Variants in ARHGAP21 observed in about 807,000 individuals in gnomAD.
The protein encoded by ARHGAP21 is rho GTPase-activating protein 21.
ARHGAP21 carries 38 observed loss-of-function variants against 164.6 expected under a neutral mutation model. The ratio of observed to expected loss-of-function variants is 0.23; its 90% CI spans 0.18 to 0.30. The LOEUF is 0.30. Ranked by LOEUF, ARHGAP21 falls within the 10% of genes least tolerant of loss-of-function variation. The pLI is 1.00. For missense variants in ARHGAP21, 1,822 were observed against 2,370.7 expected (o/e 0.77, Z 4.81); for synonymous variants, 766 against 857.9 (o/e 0.89, Z 1.87).
At chr10:24,716,569 G>A (rs185337783) in intron 2 of ARHGAP21, among the ~76,000 whole-genome samples, 196 of 152,356 alleles carry the variant, frequency 1.3e-3, no homozygotes, top group Middle Eastern at 6.8e-3. Context: ...CGCTCAGGGA[G>A]GGGGAAGGAC....
chr10:24,589,210 T>C (rs1294738437), intron 25 of ARHGAP21, 61 bp downstream of exon 25: 1 of 1,445,792 alleles, frequency 6.9e-7, no homozygotes, highest in African/African-American at 1.4e-5. Context: ...GTATCAACCA[T>C]AACAATCAGC....
At chr10:24,602,401 C>T (rs774761744) in intron 12 of ARHGAP21, among the ~76,000 whole-genome samples, 3 of 152,018 alleles carry the variant, frequency 2.0e-5, no homozygotes, top group Non-Finnish European at 2.9e-5. Flanking sequence ...ATGAAAACGG[C>T]AAGATGCAAT....
At chr10:24,606,677 C>G (rs1023941763) in intron 11 of ARHGAP21, among the ~76,000 whole-genome samples, 1 of 151,986 alleles carries the variant, frequency 6.6e-6, no homozygotes, top group Non-Finnish European at 1.5e-5. Flanking sequence ...CATGGTGAAA[C>G]CCGGTCTCTA....
chr10:24,646,311 G>T (rs2131495069), intron 4 of ARHGAP21, among the ~76,000 whole-genome samples: 1 of 152,102 alleles, frequency 6.6e-6, no homozygotes, highest in East Asian at 1.9e-4. Context: ...TATGATTAAG[G>T]TCTTAAGTTA....
rs1288020377 is a variant in ARHGAP21 at position 24,628,806 on chromosome 10, C to CATAT, written c.495+1186_495+1189dup. Among the ~76,000 whole-genome samples, 733 of 99,996 alleles carry CATAT rather than the reference C, an allele frequency of 7.3e-3. 10 individuals are homozygous for CATAT. Among genetic ancestry groups the CATAT allele is most frequent in the Middle Eastern group, 0.034 (6 of 174 alleles). 65.6% of individuals were successfully genotyped at this position (99,996 alleles called of 152,430 possible). ...ATACACACATATATACACATATATACATATATATACATATACACACATATA... is the reference window on the plus strand; with the variant it reads ...ATACACACATATATACACATATATACATATATATATATACATATACACACATATA... On this transcript the variant is annotated intron_variant, in intron 7 of 25. Coordinates refer to ENST00000396432, the MANE Select transcript of ARHGAP21 (RefSeq NM_020824.4).
At position 24,585,314 on chromosome 10, in the gene ARHGAP21, G is replaced by C; in HGVS notation, c.4975C>G (p.Gln1659Glu). 6.2e-7 allele frequency: 1 copy of C among 1,611,960 alleles called. No individual in the cohort carries two copies. The highest frequency in any genetic ancestry group is 8.5e-7 in the Non-Finnish European group (1 of 1,179,974). ...CTCCGGCTGCTCTTAGTCACTTCTT[G>C]CAGTTTTCCTCGGAAAAGCCTCTCT... ...TSERLFRGKL[Q>E]EVTKSSRRNS... The change falls in exon 26 of 26, where the codon CAA becomes GAA. Residue 1659 changes from glutamine to glutamate, a missense_variant. By Grantham distance (29) the Gln-to-Glu change is conservative. Around this residue, in one of 5 missense-constraint regions of ARHGAP21, gnomAD observed 333 missense variants for 383.9 expected, o/e 0.87. Coordinates refer to ENST00000396432, the MANE Select transcript of ARHGAP21 (RefSeq NM_020824.4).
chr10:24,671,058 C>G (rs1407570842), intron 2 of ARHGAP21, among the ~76,000 whole-genome samples: 1 of 152,038 alleles, frequency 6.6e-6, no homozygotes, highest in Non-Finnish European at 1.5e-5. Context: ...TCCCCCAACC[C>G]TTACAATTCT....
chr10:24,719,838 A>G (rs572840266), intron 2 of ARHGAP21, among the ~76,000 whole-genome samples: 1 of 152,338 alleles, frequency 6.6e-6, no homozygotes, highest in Admixed American at 6.5e-5. Context: ...ACACGTCACA[A>G]CTAAATACAG....
chr10:24,614,732 G>A (rs1467015016), intron 9 of ARHGAP21, among the ~76,000 whole-genome samples: 4 of 146,820 alleles, frequency 2.7e-5, no homozygotes, highest in Admixed American at 2.1e-4. Context: ...GCAGTGAGCC[G>A]AGATCATGCC....
At chr10:24,619,171 G>A (rs1462705661) in intron 9 of ARHGAP21, among the ~76,000 whole-genome samples, 1 of 151,924 alleles carries the variant, frequency 6.6e-6, no homozygotes, top group Admixed American at 6.6e-5. Context: ...CAACAATTAG[G>A]TATAATTTGC....
chr10:24,676,073 G>T (rs1287875671), intron 2 of ARHGAP21, among the ~76,000 whole-genome samples: 1 of 152,162 alleles, frequency 6.6e-6, no homozygotes, highest in Non-Finnish European at 1.5e-5. Flanking sequence ...ACTAGAACCT[G>T]GCAGGCGGAG....
chr10:24,630,163 G>T, intron 6 of ARHGAP21, 113 bp from the exon 7 acceptor site: 2 of 529,096 alleles, frequency 3.8e-6, no homozygotes, highest in Non-Finnish European at 6.4e-6. Context: ...GTTTATTCTG[G>T]TTTTCTTATA....
intron 4 of ARHGAP21, among the ~76,000 whole-genome samples, chr10:24,636,171 A>C (rs996739902): frequency 1.3e-5 from 2 of 152,234 alleles, no homozygotes; most frequent in Admixed American, 1.3e-4. Flanking sequence ...AATACACATT[A>C]AATTTTGAGA....
At chr10:24,631,945 T>C (rs1025775084) in intron 6 of ARHGAP21, among the ~76,000 whole-genome samples, 1 of 152,074 alleles carries the variant, frequency 6.6e-6, no homozygotes, top group African/African-American at 2.4e-5. Flanking sequence ...GGTATCAAAC[T>C]CCTAGGCTCA....
At chr10:24,600,308 G>A (rs1040973734) in intron 14 of ARHGAP21, among the ~76,000 whole-genome samples, 1 of 151,982 alleles carries the variant, frequency 6.6e-6, no homozygotes, top group Non-Finnish European at 1.5e-5. Context: ...TATTTTTACT[G>A]TAACTTAAGC....
chr10:24,648,955 A>T, intron 4 of ARHGAP21: 1 of 711,948 alleles, frequency 1.4e-6, no homozygotes, highest in Non-Finnish European at 1.7e-6. Context: ...AAACAAAATA[A>T]ATATTTTGAA....
chr10:24,672,363 C>T (rs944015623), intron 2 of ARHGAP21, among the ~76,000 whole-genome samples: 6 of 152,126 alleles, frequency 3.9e-5, no homozygotes, highest in South Asian at 2.1e-4. Context: ...AACTCACAGG[C>T]GACTTTGTCT....
chr10:24,640,979 C>G (rs1395406787), intron 4 of ARHGAP21, among the ~76,000 whole-genome samples: 1 of 151,996 alleles, frequency 6.6e-6, no homozygotes, highest in Non-Finnish European at 1.5e-5. Context: ...GAGAGAGAAA[C>G]AGAGAAGGAA....
chr10:24,627,288 C>A (rs575039747), intron 7 of ARHGAP21, among the ~76,000 whole-genome samples: 1 of 152,092 alleles, frequency 6.6e-6, no homozygotes, highest in Admixed American at 6.6e-5. Flanking sequence ...AATATTCAAC[C>A]TCATGGGAAC....
Sources: gnomAD v4.1 joint callset for allele counts (sites outside exome capture counted in the v4.1 genomes callset) on GRCh38, gnomAD v4.1.1 for gene constraint, gnomAD v4.1.1 regional missense constraint, MANE v1.5 for transcripts, NCBI Gene and HGNC (gene_info 2026-07-23, HGNC 2026-07-21) for gene names.